RGS6: variants seen among roughly 807,000 people sequenced by gnomAD.
The protein encoded by RGS6 is regulator of G-protein signaling 6.
Under a neutral mutation model 78.5 loss-of-function variants are expected in RGS6, and 30 were observed. The ratio of observed to expected loss-of-function variants is 0.38; its 90% CI spans 0.29 to 0.52. The LOEUF (loss-of-function observed/expected upper bound fraction) is 0.52. Among genes scored for constraint, RGS6 ranks in the 20% least tolerant of loss-of-function variants. The probability of loss-of-function intolerance (pLI) is 0.85; values close to 1 mark genes in which losing one functional copy is unlikely to be tolerated. For synonymous variants in RGS6, 206 were observed against 206.0 expected, an observed-to-expected ratio of 1.00 and a Z score of 0.00; for missense variants, 495 against 609.7, an observed-to-expected ratio of 0.81 and a Z score of 1.98.
intron 2 of RGS6, among the ~76,000 whole-genome samples, chr14:72,228,249 C>T (rs183110337): frequency 5.9e-5 from 9 of 151,960 alleles, no homozygotes; most frequent in South Asian, 2.1e-4. Context: ...TGCATTGTGG[C>T]GGGCGCCTGT....
At chr14:72,197,694 C>T (rs1189799152) in intron 2 of RGS6, among the ~76,000 whole-genome samples, 3 of 152,132 alleles carry the variant, frequency 2.0e-5, no homozygotes, top group Admixed American at 6.5e-5. Flanking sequence ...CATGGCATCT[C>T]GGGGCCCAAA....
intron 15 of RGS6, among the ~76,000 whole-genome samples, chr14:72,527,879 T>C (rs985660037): frequency 2.0e-5 from 3 of 152,160 alleles, no homozygotes; most frequent in Non-Finnish European, 4.4e-5. Context: ...AGCTTAGGTA[T>C]GGAGGGCAGA....
chr14:72,550,513 C>T, intron 17 of RGS6: 1 of 1,535,704 alleles, frequency 6.5e-7, no homozygotes, highest in Non-Finnish European at 8.7e-7. Flanking sequence ...TAGCACATTA[C>T]ACTGGGAAAT....
the RGS6 span, among the ~76,000 whole-genome samples, chr14:72,589,796 A>G: frequency 2.8e-4 from 43 of 152,340 alleles, no homozygotes; most frequent in South Asian, 8.7e-3. Context: ...TAATGTTAAC[A>G]AACTCTAAAT....
chr14:72,357,278 T>C (rs1039670217), intron 3 of RGS6, among the ~76,000 whole-genome samples: 6 of 141,518 alleles, frequency 4.2e-5, no homozygotes, highest in African/African-American at 1.6e-4. Flanking sequence ...AAAAAAAAAA[T>C]AGAAAATATG....
chr14:71,956,693 C>G (rs938629526), intron 1 of RGS6, among the ~76,000 whole-genome samples: 2 of 152,112 alleles, frequency 1.3e-5, no homozygotes, highest in African/African-American at 2.4e-5. Flanking sequence ...CCCCAGCCCA[C>G]GGACTTAAAT....
chr14:72,128,973 G>A lies in RGS6; in HGVS notation c.84+164098G>A, dbSNP rs367826675. 3.0e-4 allele frequency among the ~76,000 whole-genome samples: 46 copies of A among 152,310 alleles called. 1 individual carries two copies. The East Asian group carries it at 6.9e-3, about 23-fold the overall frequency. ...AGTCAGTCACGTTTTAGCACTGACA[G>A]TAAAATGTCACCTCTTCAGCAGTTT... On this transcript the variant is annotated intron_variant, in intron 2 of 17. Transcript: ENST00000553525.
At chr14:72,061,536 A>G (rs995645385) in intron 2 of RGS6, among the ~76,000 whole-genome samples, 11 of 152,254 alleles carry the variant, frequency 7.2e-5, no homozygotes, top group Non-Finnish European at 1.3e-4. Flanking sequence ...GATTTTGAGT[A>G]TATTCCTGAG....
intron 3 of RGS6, among the ~76,000 whole-genome samples, chr14:72,414,992 C>T (rs772184894): frequency 1.4e-4 from 22 of 152,296 alleles, no homozygotes; most frequent in African/African-American, 4.1e-4. Flanking sequence ...TTAGGCTACT[C>T]GGGGGTCAGG....
chr14:72,046,688 C>G (rs890998077), intron 2 of RGS6, among the ~76,000 whole-genome samples: 5 of 151,666 alleles, frequency 3.3e-5, no homozygotes, highest in Non-Finnish European at 4.4e-5. Flanking sequence ...CATCTTAACT[C>G]ATCCTTCACT....
intron 2 of RGS6, among the ~76,000 whole-genome samples, chr14:72,230,102 C>T (rs1051974372): frequency 1.3e-4 from 20 of 152,246 alleles, no homozygotes; most frequent in African/African-American, 4.8e-4. Flanking sequence ...CTTAGTAGAA[C>T]CAGATGGAAA....
intron 2 of RGS6, among the ~76,000 whole-genome samples, chr14:72,103,551 G>A (rs1704354116): frequency 6.6e-6 from 1 of 152,114 alleles, no homozygotes; most frequent in South Asian, 2.1e-4. Context: ...TTTTGTATAT[G>A]CAACAACTTA....
At chr14:72,562,189 G>T (rs762898984) in intron 17 of RGS6, among the ~76,000 whole-genome samples, 16 of 152,158 alleles carry the variant, frequency 1.1e-4, no homozygotes, top group Non-Finnish European at 2.1e-4. Context: ...ACCCTCATAA[G>T]GGGACCCTCC....
At chr14:72,243,490 A>G (rs1250769652) in intron 2 of RGS6, among the ~76,000 whole-genome samples, 2 of 151,356 alleles carry the variant, frequency 1.3e-5, no homozygotes, top group African/African-American at 4.9e-5. Flanking sequence ...TATACATGAC[A>G]ATGCAATTCA....
chr14:72,391,572 C>T (rs1467398383), intron 3 of RGS6, among the ~76,000 whole-genome samples: 1 of 152,200 alleles, frequency 6.6e-6, no homozygotes, highest in Non-Finnish European at 1.5e-5. Context: ...TCCTCCATCT[C>T]CTTTATCCAT....
the RGS6 span, among the ~76,000 whole-genome samples, chr14:72,619,601 T>TGTC: frequency 1.4e-3 from 209 of 152,234 alleles, no homozygotes; most frequent in African/African-American, 4.7e-3. Context: ...TCCAAACTAG[T>TGTC]GTCGCCGGGC....
At chr14:72,472,307 C>T (rs1450694572) in intron 8 of RGS6, among the ~76,000 whole-genome samples, 1 of 152,180 alleles carries the variant, frequency 6.6e-6, no homozygotes, top group Non-Finnish European at 1.5e-5. Flanking sequence ...GTGATATTTG[C>T]CTCCTGGATC....
chr14:72,322,215 T>G (rs1022175824), intron 2 of RGS6, among the ~76,000 whole-genome samples: 1 of 151,918 alleles, frequency 6.6e-6, no homozygotes, highest in Non-Finnish European at 1.5e-5. Flanking sequence ...GCTATGATAA[T>G]AAAAGCAGAA....
At chr14:72,465,134 G>T (rs925021411) in intron 6 of RGS6, among the ~76,000 whole-genome samples, 1 of 152,192 alleles carries the variant, frequency 6.6e-6, no homozygotes, top group African/African-American at 2.4e-5. Context: ...AAAAGAGTTT[G>T]GTGGCCTCAC....
Sources: allele counts gnomAD v4.1 joint callset (sites outside exome capture counted in the v4.1 genomes callset), GRCh38; gene constraint gnomAD v4.1.1; transcripts MANE v1.5; gene names NCBI Gene and HGNC (gene_info 2026-07-23, HGNC 2026-07-21).